The following TENM2 variants were observed in gnomAD, a reference collection of about 807,000 sequenced individuals.
The protein encoded by TENM2 is teneurin transmembrane protein 2.
In TENM2, 52 loss-of-function variants were observed where a neutral mutation model predicts 245.2. That is an observed-to-expected ratio of 0.21 (90% CI 0.17 to 0.27). The LOEUF (loss-of-function observed/expected upper bound fraction) is 0.27. Among genes scored for constraint, TENM2 ranks in the 10% least tolerant of loss-of-function variants. The pLI is 1.00. For synonymous variants in TENM2, 1,363 were observed against 1,438.9 expected (o/e 0.95, Z 1.19); for missense variants, 3,046 against 3,666.8 (o/e 0.83, Z 4.37).
At chr5:167,263,790 A>G in the TENM2 span, among the ~76,000 whole-genome samples, 3 of 152,022 alleles carry the variant, frequency 2.0e-5, no homozygotes, top group Non-Finnish European at 2.9e-5. Context: ...ACTACATCAA[A>G]CAAAGAATTC....
the TENM2 span, among the ~76,000 whole-genome samples, chr5:167,161,084 T>C: frequency 6.6e-6 from 1 of 152,226 alleles, no homozygotes; most frequent in African/African-American, 2.4e-5. Flanking sequence ...AAATAAATTG[T>C]GGATATGATG....
intron 12 of TENM2, among the ~76,000 whole-genome samples, chr5:168,130,726 T>C (rs994146005): frequency 6.6e-6 from 1 of 152,064 alleles, no homozygotes; most frequent in Non-Finnish European, 1.5e-5. Context: ...GGTGAAACCC[T>C]GTCACTACAA....
At chr5:167,332,401 A>C (rs1436458101) in intron 1 of TENM2, among the ~76,000 whole-genome samples, 1 of 152,054 alleles carries the variant, frequency 6.6e-6, no homozygotes, top group Admixed American at 6.6e-5. Context: ...CGTGCCTCTG[A>C]ACTACAGTTG....
chr5:168,099,689 C>T (rs766832293), intron 9 of TENM2, among the ~76,000 whole-genome samples: 1 of 152,176 alleles, frequency 6.6e-6, no homozygotes, highest in South Asian at 2.1e-4. Context: ...CCACCCTCAC[C>T]GCAATTGCTC....
chr5:168,221,916 A>G (rs919929742), intron 23 of TENM2, among the ~76,000 whole-genome samples: 10 of 152,168 alleles, frequency 6.6e-5, no homozygotes, highest in African/African-American at 2.4e-4. Context: ...TCTGAGCCTC[A>G]ATGTCTCATC....
chr5:167,740,244 T>C (rs1761086765), intron 2 of TENM2, among the ~76,000 whole-genome samples: 1 of 152,188 alleles, frequency 6.6e-6, no homozygotes, highest in Middle Eastern at 3.2e-3. Context: ...CTTCTCTTCA[T>C]TTACCCAGTC....
intron 2 of TENM2, among the ~76,000 whole-genome samples, chr5:167,535,259 C>T (rs1771775947): frequency 6.6e-6 from 1 of 151,826 alleles, no homozygotes; most frequent in African/African-American, 2.4e-5. Flanking sequence ...TACTCAAGCT[C>T]CCCTTTGTCC....
intron 4 of TENM2, among the ~76,000 whole-genome samples, chr5:167,960,242 C>G (rs1780897215): frequency 6.6e-6 from 1 of 152,238 alleles, no homozygotes; most frequent in African/African-American, 2.4e-5. Context: ...ATCCGCTGCT[C>G]TCTTCAGAGC....
At chr5:167,802,697 T>G (rs1264710271) in intron 2 of TENM2, among the ~76,000 whole-genome samples, 2 of 152,168 alleles carry the variant, frequency 1.3e-5, no homozygotes, top group Non-Finnish European at 2.9e-5. Context: ...ACATATTTCT[T>G]TGCAGCTTCT....
intron 2 of TENM2, among the ~76,000 whole-genome samples, chr5:167,694,286 C>T (rs1308582258): frequency 1.3e-5 from 2 of 152,144 alleles, no homozygotes; most frequent in Non-Finnish European, 2.9e-5. Context: ...CTGGGGATCT[C>T]TACAAAACTG....
At chr5:168,254,523 GGAGGAA>G (rs1767466054) in intron 27 of TENM2, among the ~76,000 whole-genome samples, 1 of 151,694 alleles carries the variant, frequency 6.6e-6, no homozygotes, top group Non-Finnish European at 1.5e-5. Flanking sequence ...AGGAAGAAAG[GGAGGAA>G]GAGGAAGAAT....
chr5:167,190,395 C>A, the TENM2 span, among the ~76,000 whole-genome samples: 8 of 152,002 alleles, frequency 5.3e-5, no homozygotes, highest in Non-Finnish European at 1.2e-4. Flanking sequence ...TCTTCCTAAG[C>A]CTCATTGAGA....
chr5:168,235,484 G>A (rs754930550), intron 25 of TENM2, among the ~76,000 whole-genome samples: 20 of 152,154 alleles, frequency 1.3e-4, no homozygotes, highest in Non-Finnish European at 1.8e-4. Flanking sequence ...TTATACCTTA[G>A]CAAGGAGATA....
chr5:167,305,076 T>C (rs558197775), intron 1 of TENM2, among the ~76,000 whole-genome samples: 1 of 152,238 alleles, frequency 6.6e-6, no homozygotes, highest in South Asian at 2.1e-4. Flanking sequence ...ACCATACCTC[T>C]TTTCCTCCTC....
chr5:168,236,342 T>G (rs1427076885), intron 25 of TENM2, among the ~76,000 whole-genome samples: 1 of 152,146 alleles, frequency 6.6e-6, no homozygotes, highest in Non-Finnish European at 1.5e-5. Context: ...TCCCTACCAA[T>G]GGACCACCCA....
At chr5:167,300,401 T>C (rs1173267538) in intron 1 of TENM2, among the ~76,000 whole-genome samples, 1 of 152,026 alleles carries the variant, frequency 6.6e-6, no homozygotes, top group African/African-American at 2.4e-5. Context: ...TAATGCGTTG[T>C]AGAGGGAGGT....
rs544158128 is a variant in TENM2, at chr5:167,300,491, G to T, written c.226+15428G>T. 2.5e-3 allele frequency among the ~76,000 whole-genome samples: 380 copies of T among 152,274 alleles called. 3 individuals carry two copies. Among genetic ancestry groups the T allele is most frequent in the Middle Eastern group, 6.8e-3 (2 of 294 alleles). ...ATTTGGTTGATAAGGCACAGATCCT[G>T]AACTAACCTGTAAGTCTTGTCTGGT... On this transcript the variant is annotated intron_variant, in intron 1 of 28. Coordinates refer to ENST00000518659, the Ensembl canonical transcript of TENM2.
intron 2 of TENM2, among the ~76,000 whole-genome samples, chr5:167,813,387 GCA>G (rs142804283): frequency 0.012 from 1,769 of 144,868 alleles, 12 homozygotes; most frequent in African/African-American, 0.025. Flanking sequence ...TACAAGTTCT[GCA>G]CACACACACA....
chr5:167,700,538 C>T (rs114848293), intron 2 of TENM2, among the ~76,000 whole-genome samples: 1 of 152,220 alleles, frequency 6.6e-6, no homozygotes, highest in African/African-American at 2.4e-5. Flanking sequence ...CTTCACATAG[C>T]CAGGAAGGGA....
Sources: allele counts gnomAD v4.1 joint callset (sites outside exome capture counted in the v4.1 genomes callset), GRCh38; gene constraint gnomAD v4.1.1; transcripts MANE v1.5; gene names NCBI Gene and HGNC (gene_info 2026-07-23, HGNC 2026-07-21).